The following ADGRB3 variants were observed in gnomAD, a reference collection of about 807,000 sequenced individuals.
The protein encoded by ADGRB3 is brain-specific angiogenesis inhibitor 3.
Under a neutral mutation model 193.4 loss-of-function variants are expected in ADGRB3, and 37 were observed. The observed-to-expected ratio is 0.19, with a 90% CI of 0.15 to 0.25. The LOEUF is 0.25. Ranked by LOEUF, ADGRB3 falls within the 10% of genes least tolerant of loss-of-function variation. The pLI is 1.00. For synonymous variants in ADGRB3, 690 were observed against 644.2 expected, an observed-to-expected ratio of 1.07 and a Z score of -1.08; for missense variants, 1,637 against 1,852.9, an observed-to-expected ratio of 0.88 and a Z score of 2.14.
At chr6:69,386,703 T>A (rs529588923) in intron 31 of ADGRB3, among the ~76,000 whole-genome samples, 4 of 152,188 alleles carry the variant, frequency 2.6e-5, no homozygotes, top group Non-Finnish European at 5.9e-5. Flanking sequence ...TTCTTTGGAT[T>A]TTTACTTCCC....
At chr6:69,135,558 C>G (rs923058013) in intron 17 of ADGRB3, among the ~76,000 whole-genome samples, 7 of 151,956 alleles carry the variant, frequency 4.6e-5, no homozygotes, top group Non-Finnish European at 8.8e-5. Flanking sequence ...GGCAACATGG[C>G]ATTTATACTT....
chr6:69,029,915 T>G (rs1345275939), intron 13 of ADGRB3, among the ~76,000 whole-genome samples: 3 of 151,306 alleles, frequency 2.0e-5, no homozygotes, highest in African/African-American at 7.3e-5. Context: ...AACAGACACT[T>G]CTCAAGAGAA....
At chr6:68,837,003 CTG>C (rs1261844025) in intron 3 of ADGRB3, among the ~76,000 whole-genome samples, 7 of 152,090 alleles carry the variant, frequency 4.6e-5, no homozygotes, top group Non-Finnish European at 8.8e-5. Context: ...ATATGAAAAA[CTG>C]TTTAGCTTTT....
rs1567659 is a variant in ADGRB3, at chr6:69,136,576, G to A, written c.2480+60538G>A. On this transcript the variant is annotated intron_variant, in intron 17 of 31. Transcript: ENST00000370598. Reference sequence around the variant, plus strand: ...TATATTTGGCATTATATAAACAATCGATTTTCTTCTAAAAATCGCCTTCAT... The same window carrying A: ...TATATTTGGCATTATATAAACAATCAATTTTCTTCTAAAAATCGCCTTCAT... Among the ~76,000 whole-genome samples, 13 of 151,812 alleles carry A rather than the reference G, an allele frequency of 8.6e-5. No individual in the cohort carries two copies. In the East Asian group the frequency reaches 1.4e-3, roughly 16 times the overall value.
intron 30 of ADGRB3, among the ~76,000 whole-genome samples, chr6:69,380,904 A>G (rs958980784): frequency 1.3e-5 from 2 of 151,944 alleles, no homozygotes; most frequent in Non-Finnish European, 2.9e-5. Flanking sequence ...AATATCTCAG[A>G]AAAATGTCAG....
At chr6:69,103,254 T>G (rs2150322533) in intron 17 of ADGRB3, among the ~76,000 whole-genome samples, 1 of 152,328 alleles carries the variant, frequency 6.6e-6, no homozygotes, top group South Asian at 2.1e-4. Context: ...TTTAGTTCAG[T>G]TGAAATAAAT....
intron 10 of ADGRB3, among the ~76,000 whole-genome samples, chr6:68,980,692 G>C (rs1317339267): frequency 2.0e-5 from 3 of 151,540 alleles, no homozygotes; most frequent in African/African-American, 7.2e-5. Flanking sequence ...AAATGCCGAG[G>C]TTCAGCTGGT....
intron 13 of ADGRB3, among the ~76,000 whole-genome samples, chr6:69,026,994 T>C (rs1770450392): frequency 6.6e-6 from 1 of 152,142 alleles, no homozygotes; most frequent in Non-Finnish European, 1.5e-5. Flanking sequence ...ACTGTACTCA[T>C]AAGCTACACT....
intron 17 of ADGRB3, among the ~76,000 whole-genome samples, chr6:69,117,951 T>G (rs1156342785): frequency 6.6e-6 from 1 of 152,152 alleles, no homozygotes; most frequent in Non-Finnish European, 1.5e-5. Context: ...AGCATTCAAG[T>G]TTTTCTCCCC....
chr6:69,260,204 G>A lies in ADGRB3; in HGVS notation c.2814+20978G>A, dbSNP rs186093561. Reference sequence around the variant, plus strand: ...AATTAATTTATTATGTCATTTGAATGCATAGTAGACCAGACTGGATGAGAA... The same window carrying A: ...AATTAATTTATTATGTCATTTGAATACATAGTAGACCAGACTGGATGAGAA... On this transcript the variant is annotated intron_variant, in intron 20 of 31. Transcript: ENST00000370598. Among the ~76,000 whole-genome samples, 408 of 152,256 alleles carry A rather than the reference G, an allele frequency of 2.7e-3. 2 individuals are homozygous for A. The highest frequency in any genetic ancestry group is 3.0e-3 in the Non-Finnish European group (201 of 67,998).
chr6:69,183,184 G>T (rs764261379), intron 17 of ADGRB3, among the ~76,000 whole-genome samples: 5 of 151,664 alleles, frequency 3.3e-5, no homozygotes, highest in Non-Finnish European at 7.4e-5. Flanking sequence ...CATAGTTTTG[G>T]TTAAATTTGA....
At chr6:69,039,552 T>C (rs1770968711) in intron 13 of ADGRB3, among the ~76,000 whole-genome samples, 3 of 152,036 alleles carry the variant, frequency 2.0e-5, no homozygotes, top group Admixed American at 6.5e-5. Flanking sequence ...AGCATGAAAG[T>C]AGACAGGAAC....
chr6:68,743,554 T>C (rs907344325), intron 3 of ADGRB3, among the ~76,000 whole-genome samples: 1 of 152,062 alleles, frequency 6.6e-6, no homozygotes, highest in African/African-American at 2.4e-5. Flanking sequence ...CATGTTTGTA[T>C]CTTCTTAAGT....
At chr6:69,178,441 A>G (rs1383553030) in intron 17 of ADGRB3, among the ~76,000 whole-genome samples, 2 of 152,138 alleles carry the variant, frequency 1.3e-5, no homozygotes, top group Non-Finnish European at 2.9e-5. Flanking sequence ...TTTATGAGGG[A>G]CAATTAGACT....
chr6:69,100,878 A>AAGGGAGGGAAGGAAGGAAGGAAGAAGGG (rs1554262100), intron 17 of ADGRB3, among the ~76,000 whole-genome samples: 1,013 of 16,938 alleles, frequency 0.06, no homozygotes, highest in East Asian at 0.26. Flanking sequence ...AGGAAGAAGG[A>AAGGGAGGGAAGGAAGGAAGGAAGAAGGG]AGGGAGGGAA....
chr6:69,360,776 T>C (rs1202233537), intron 28 of ADGRB3, 93 bp from the exon 29 acceptor site: 1 of 1,275,844 alleles, frequency 7.8e-7, no homozygotes, highest in East Asian at 2.4e-5. Flanking sequence ...AATATATCTT[T>C]AATGTTTAGT....
intron 21 of ADGRB3, 28 bp downstream of exon 21, chr6:69,325,050 C>T (rs781100847): frequency 1.9e-6 from 3 of 1,596,692 alleles, no homozygotes; most frequent in East Asian, 2.2e-5. Context: ...CCGTTTCATG[C>T]TCTTCTCAAA....
intron 17 of ADGRB3, among the ~76,000 whole-genome samples, chr6:69,147,649 A>G (rs1356663545): frequency 6.6e-6 from 1 of 152,162 alleles, no homozygotes; most frequent in African/African-American, 2.4e-5. Context: ...GTTAATATCT[A>G]TTAAGTCCAT....
Position 69,039,303 on chromosome 6 carries a change from A to G in ADGRB3, c.2108-8882A>G, listed in dbSNP as rs142254681. Among the ~76,000 whole-genome samples, 660 of 152,030 alleles carry G rather than the reference A, an allele frequency of 4.3e-3. 7 individuals are homozygous for G. The highest frequency in any genetic ancestry group is 0.015 in the African/African-American group (642 of 41,494). On this transcript the variant is annotated intron_variant, in intron 13 of 31. Transcript: ENST00000370598. ...TTGCTAAGATCTATGATAAGAATGA[A>G]TCTTTTATCCTTGAAGTTGTGAAGA... is the stretch of plus-strand genomic sequence containing the variant.
Sources: allele counts gnomAD v4.1 joint callset (sites outside exome capture counted in the v4.1 genomes callset), GRCh38; gene constraint gnomAD v4.1.1; transcripts MANE v1.5; gene names NCBI Gene and HGNC (gene_info 2026-07-23, HGNC 2026-07-21).